Variants in PPARA observed in about 807,000 individuals in gnomAD.
PPARA encodes peroxisome proliferator activated receptor alpha.
PPARA carries 22 observed loss-of-function variants against 42.2 expected under a neutral mutation model. That is an observed-to-expected ratio of 0.52 (90% CI 0.37 to 0.74). The LOEUF is 0.74. Ranked by LOEUF, PPARA falls within the 30% of genes least tolerant of loss-of-function variation. The pLI, the probability that PPARA is intolerant of heterozygous loss-of-function variation, is 0.00. For synonymous variants in PPARA, 242 were observed against 239.3 expected (o/e 1.01, Z -0.10); for missense variants, 465 against 608.2 (o/e 0.76, Z 2.48).
chr22:46,233,341 C>T lies in PPARA; in HGVS notation c.1159+1102C>T, dbSNP rs1013426101. Among the ~76,000 whole-genome samples, 1 of 152,142 alleles carries T rather than the reference C, an allele frequency of 6.6e-6. No homozygotes were observed. Among genetic ancestry groups the T allele is most frequent in the South Asian group, 2.1e-4 (1 of 4,830 alleles). On this transcript the variant is annotated intron_variant, in intron 8 of 8. Transcript: ENST00000407236. This position sits in a 1 kb window ranked among gnomAD's most constrained non-coding sequence, Gnocchi z 7.3. Reference sequence around the variant, plus strand: ...CTCTGCAGCCTCCACATTTTTGGCTCGGTGTCACGTTCCTTTAAATAGCCC... The same window carrying T: ...CTCTGCAGCCTCCACATTTTTGGCTTGGTGTCACGTTCCTTTAAATAGCCC...
chr22:46,155,143 C>A (rs1415998582), intron 2 of PPARA: 1 of 151,116 alleles, frequency 6.6e-6, no homozygotes, highest in Non-Finnish European at 1.5e-5. Flanking sequence ...TTTTTAATGG[C>A]AAATAGGATG....
In PPARA at chr22:46,195,767, C is replaced by A. The variant is rs1292826192; in HGVS notation, c.-42-2575C>A. On this transcript the variant is annotated intron_variant, in intron 3 of 8. Coordinates refer to ENST00000407236, the MANE Select transcript of PPARA (RefSeq NM_005036.6). This position sits in a 1 kb window ranked among gnomAD's most constrained non-coding sequence, Gnocchi z 4.6. ...GCGTTCCGTAATCACCATGTGATGA[C>A]GGCTGCCCTGACAGTGGCTGGTAGC... Among the ~76,000 whole-genome samples the A allele has an allele frequency of 2.0e-5, 3 of 152,114 alleles. No individual in the cohort carries two copies. Among genetic ancestry groups the A allele is most frequent in the African/African-American group, 4.8e-5 (2 of 41,432 alleles).
At chr22:46,152,132 ATT>A (rs780789203) in intron 2 of PPARA, among the ~76,000 whole-genome samples, 162 bp downstream of exon 2, 211 of 104,640 alleles carry the variant, frequency 2.0e-3, no homozygotes, top group African/African-American at 7.9e-3. Flanking sequence ...GCATGGATTC[ATT>A]TTTTTTTTTT....
rs2147640322 is a variant in PPARA at position 46,225,212 on chromosome 22, G to A, written c.711+5198G>A. 6.6e-6 allele frequency among the ~76,000 whole-genome samples: 1 copy of A among 152,268 alleles called. No individual in the cohort carries two copies. The highest frequency in any genetic ancestry group is 2.4e-5 in the African/African-American group (1 of 41,546). ...GGACACTGGGACTGTTTGAGCCCCT[G>A]AGATTTCAGAACCGTGGGCCAGAAA... On this transcript the variant is annotated intron_variant, in intron 7 of 8. Transcript: ENST00000407236. The surrounding 1 kb of genome is among the most constrained non-coding windows in gnomAD (Gnocchi z 4.1).
chr22:46,218,850 G>GA (rs972661317), intron 6 of PPARA, among the ~76,000 whole-genome samples: 1 of 113,062 alleles, frequency 8.8e-6, no homozygotes, highest in African/African-American at 5.1e-5. Flanking sequence ...AAAAAAAAAA[G>GA]AAAAAGAAAG....
At chr22:46,179,476 T>C (rs1346627232) in intron 3 of PPARA, among the ~76,000 whole-genome samples, 1 of 152,144 alleles carries the variant, frequency 6.6e-6, no homozygotes, top group African/African-American at 2.4e-5. Context: ...AGGACAGTCT[T>C]TTCAATAAAT....
At chr22:46,207,669 TTATTA>T (rs1352741753) in intron 4 of PPARA, among the ~76,000 whole-genome samples, 1 of 115,262 alleles carries the variant, frequency 8.7e-6, no homozygotes, top group African/African-American at 4.4e-5. Context: ...ATTATTATTA[TTATTA>T]TTATTTTTTT....
intron 2 of PPARA, chr22:46,164,522 G>C (rs1438554041): frequency 6.6e-6 from 1 of 152,222 alleles, no homozygotes; most frequent in Non-Finnish European, 1.5e-5. Context: ...CAAAGTGCTG[G>C]GATTACAGGC....
chr22:46,162,613 T>A lies in PPARA; in HGVS notation c.-127+10643T>A, dbSNP rs1428849157. Among the ~76,000 whole-genome samples the A allele has an allele frequency of 1.3e-5, 2 of 152,196 alleles. No homozygotes were observed. The highest frequency in any genetic ancestry group is 3.9e-4 in the East Asian group (2 of 5,190). ...ATGGCTTGGTGACAGTGGCTCTCCC[T>A]GAGACCCCGTGAGGCCAGAGTCCTT... On this transcript the variant is annotated intron_variant, in intron 2 of 8. Transcript: ENST00000407236. The surrounding 1 kb of genome is among the most constrained non-coding windows in gnomAD (Gnocchi z 6.0).
In PPARA at chr22:46,215,338, A is replaced by T; in HGVS notation, c.369+5A>T. 6.2e-7 allele frequency: 1 copy of T among 1,614,140 alleles called. No individual in the cohort carries two copies. Among genetic ancestry groups the T allele is most frequent in the Non-Finnish European group, 8.5e-7 (1 of 1,180,010 alleles). On this transcript the variant is annotated splice_donor_5th_base_variant and intron_variant, in intron 5 of 8. Transcript: ENST00000407236. Reference sequence around the variant, plus strand: ...CACGCGTGTGAAGGCTGCAAGGTAGAGGGGAGCTGGAACAGGGCCTGGTGG... The same window carrying T: ...CACGCGTGTGAAGGCTGCAAGGTAGTGGGGAGCTGGAACAGGGCCTGGTGG...
intron 4 of PPARA, among the ~76,000 whole-genome samples, chr22:46,208,517 C>T (rs1334224700): frequency 1.3e-5 from 2 of 149,474 alleles, no homozygotes; most frequent in African/African-American, 5.0e-5. Context: ...TACTGCACTC[C>T]AGCCTGGGCA....
chr22:46,229,130 C>T (rs961928118), intron 7 of PPARA, among the ~76,000 whole-genome samples: 2 of 151,464 alleles, frequency 1.3e-5, no homozygotes. Flanking sequence ...AATTATTTAA[C>T]ACCTTTATTT....
chr22:46,224,463 TAGGG>T lies in PPARA; in HGVS notation c.711+4452_711+4455del, dbSNP rs896195156. Among the ~76,000 whole-genome samples, 49 of 152,210 alleles carry T rather than the reference TAGGG, an allele frequency of 3.2e-4. 1 individual carries two copies. Among genetic ancestry groups the T allele is most frequent in the African/African-American group, 1.1e-3 (47 of 41,556 alleles). On this transcript the variant is annotated intron_variant, in intron 7 of 8. Transcript: ENST00000407236. This position sits in a 1 kb window ranked among gnomAD's most constrained non-coding sequence, Gnocchi z 5.7. ...CCCCATCTGTGGGCAAGAAATCTGT[TAGGG>T]AGACCAAGCAGCGGCCTGGAAACAC...
At position 46,203,880 on chromosome 22, in the gene PPARA, C is replaced by T. The variant is rs1021037248; in HGVS notation, c.208+5289C>T. 2.6e-5 allele frequency among the ~76,000 whole-genome samples: 4 copies of T among 152,242 alleles called. No homozygotes were observed. Among genetic ancestry groups the T allele is most frequent in the Admixed American group, 2.6e-4 (4 of 15,286 alleles). On this transcript the variant is annotated intron_variant, in intron 4 of 8. Coordinates refer to ENST00000407236, the MANE Select transcript of PPARA (RefSeq NM_005036.6). This position sits in a 1 kb window ranked among gnomAD's most constrained non-coding sequence, Gnocchi z 5.8. ...TCTACACAAAAGCACCTGAGGTAAACACTTGTGGGGCAGGTTGCAGATTCT... is the reference window on the plus strand; with the variant it reads ...TCTACACAAAAGCACCTGAGGTAAATACTTGTGGGGCAGGTTGCAGATTCT...
At chr22:46,215,417 G>A (rs1415501661) in intron 5 of PPARA, 84 bp downstream of exon 5, 1 of 1,562,616 alleles carries the variant, frequency 6.4e-7, no homozygotes, top group African/African-American at 1.4e-5. Context: ...AGTCATTACT[G>A]AGAGATTGCA....
At position 46,239,946 on chromosome 22, in the gene PPARA, G is replaced by A. The variant is rs1601840737; in HGVS notation, c.*4566G>A. ...GAGGGTTTTTTGGTCCTGATCCAGT[G>A]GCCACACCTGTCTTTGAAATGTCTC... On this transcript the variant is annotated 3_prime_UTR_variant, in exon 9 of 9. Coordinates refer to ENST00000407236, the MANE Select transcript of PPARA (RefSeq NM_005036.6). The A allele has an allele frequency of 2.6e-6, 1 of 385,120 alleles. No homozygotes were observed. The highest frequency in any genetic ancestry group is 4.6e-6 in the Non-Finnish European group (1 of 218,252). The allele number at this position is 385,120 out of a possible 1,614,324, so 23.9% of individuals were successfully genotyped here. A position where few individuals can be genotyped will look rare whatever the true frequency, so the allele number is the denominator to read the frequency against.
chr22:46,206,341 T>C (rs542251316), intron 4 of PPARA, among the ~76,000 whole-genome samples: 25 of 152,296 alleles, frequency 1.6e-4, no homozygotes, highest in Non-Finnish European at 2.4e-4. Context: ...GGTCTCAAAC[T>C]CGTGACCTTG....
In PPARA at chr22:46,232,369, G is replaced by A. The variant is rs866299516; in HGVS notation, c.1159+130G>A. The A allele has an allele frequency of 3.0e-5, 26 of 858,408 alleles. No homozygotes were observed. Among genetic ancestry groups the A allele is most frequent in the Middle Eastern group, 2.3e-4 (1 of 4,416 alleles). 53.2% of individuals were successfully genotyped at this position (858,408 alleles called of 1,614,324 possible). A position where few individuals can be genotyped will look rare whatever the true frequency, so the allele number is the denominator to read the frequency against. ...GGGGACACTCACATGGTGGGAAGAC[G>A]TCTGACCCCCAGTCACTGCTGAGAA... On this transcript the variant is annotated intron_variant, in intron 8 of 8. Coordinates refer to ENST00000407236, the MANE Select transcript of PPARA (RefSeq NM_005036.6). This position sits in a 1 kb window ranked among gnomAD's most constrained non-coding sequence, Gnocchi z 5.3.
At chr22:46,152,882 C>T (rs1248689032) in intron 2 of PPARA, among the ~76,000 whole-genome samples, 2 of 152,076 alleles carry the variant, frequency 1.3e-5, no homozygotes, top group Non-Finnish European at 2.9e-5. Context: ...GCCAGGAGTT[C>T]GAGACCAGCC....
Sources: gnomAD v4.1 joint callset for allele counts (sites outside exome capture counted in the v4.1 genomes callset) on GRCh38, gnomAD v4.1.1 for gene constraint, Gnocchi (gnomAD v3.1) non-coding constraint, MANE v1.5 for transcripts, NCBI Gene and HGNC (gene_info 2026-07-23, HGNC 2026-07-21) for gene names.